The following FIGNL2 variants were observed in gnomAD, a reference collection of about 807,000 sequenced individuals.
FIGNL2 encodes the protein fidgetin-like protein 2.
For missense variants in FIGNL2, 1,060 were observed against 950.2 expected, an observed-to-expected ratio of 1.12 and a Z score of -1.52; for synonymous variants, 565 against 484.0, an observed-to-expected ratio of 1.17 and a Z score of -2.20.
At chr12:51,844,980 G>A (rs1484748266) in intron 1 of FIGNL2, 1 of 596,316 alleles carries the variant, frequency 1.7e-6, no homozygotes, top group African/African-American at 2.0e-5. Context: ...ACATCAGAGA[G>A]GGATGGACTG....
intron 1 of FIGNL2, chr12:51,837,729 C>G (rs1227225138): frequency 1.3e-5 from 2 of 152,354 alleles, no homozygotes; most frequent in Non-Finnish European, 1.5e-5. Context: ...AGGCAATATC[C>G]AGGAACACAA....
Position 51,819,072 on chromosome 12 carries a change from G to C in FIGNL2, c.*1380C>G, listed in dbSNP as rs551005054. Reference sequence around the variant, plus strand: ...CTCCAGCAGAGATGGCTGAGGTCCAGTAGCTGATTTTGTGGCCAGACTGTC... The same window carrying C: ...CTCCAGCAGAGATGGCTGAGGTCCACTAGCTGATTTTGTGGCCAGACTGTC... On this transcript the variant is annotated 3_prime_UTR_variant, in exon 2 of 2. Transcript: ENST00000618634. 1 of 152,428 alleles carries C rather than the reference G, an allele frequency of 6.6e-6. No homozygotes were observed. The highest frequency in any genetic ancestry group is 2.1e-4 in the South Asian group (1 of 4,832). The allele number at this position is 152,428 out of a possible 1,614,324, so 9.4% of individuals were successfully genotyped here. A position where few individuals can be genotyped will look rare whatever the true frequency, so the allele number is the denominator to read the frequency against.
At chr12:51,848,405 C>G in intron 1 of FIGNL2, 135 bp downstream of exon 1, 3 of 984,132 alleles carry the variant, frequency 3.0e-6, no homozygotes, top group Non-Finnish European at 3.6e-6. Flanking sequence ...CGACCCCCGC[C>G]GAGCTGAACC....
rs531385748 is a variant in FIGNL2, at chr12:51,821,007, G to T, written c.1407C>A (p.Gly469=). 1.7e-6 allele frequency: 2 copies of T among 1,180,204 alleles called. No individual in the cohort carries two copies. The highest frequency in any genetic ancestry group is 1.6e-5 in the African/African-American group (1 of 62,058). The allele number at this position is 1,180,204 out of a possible 1,614,324, so 73.1% of individuals were successfully genotyped here. A position where few individuals can be genotyped will look rare whatever the true frequency, so the allele number is the denominator to read the frequency against. The stretch of plus-strand genomic sequence containing the variant: ...CGAAGGCGGCCTGGAGGAGGCGCGC[G>T]CCCTCGGCGGCGCCGGGCGCAGCCA... ...ATLAAPGAAE[G]ARLLQAAFAA... is the part of the protein sequence containing the mutation. The change falls in exon 2 of 2, where the codon GGC becomes GGA. Residue 469 remains glycine (G), a synonymous_variant. Transcript: ENST00000618634.
At chr12:51,848,118 T>A in intron 1 of FIGNL2, 3 of 983,694 alleles carry the variant, frequency 3.0e-6, no homozygotes, top group Non-Finnish European at 3.6e-6. Context: ...GACAAAGACC[T>A]GACGGAGTGG....
intron 1 of FIGNL2, chr12:51,847,576 CCCACCCCTGCGCTCCGGG>C: frequency 1.0e-6 from 1 of 985,462 alleles, no homozygotes; most frequent in Non-Finnish European, 1.2e-6. Context: ...CACCCGTCCA[CCCACCCCTGCGCTCCGGG>C]CCGCCGCTGG....
chr12:51,830,697 TGGCC>T lies in FIGNL2; in HGVS notation c.-11-8277_-11-8274del, dbSNP rs564969299. On this transcript the variant is annotated intron_variant, in intron 1 of 1. Transcript: ENST00000618634. ...TAGTAGAGATGGGGTTTCACCATGTTGGCCAGGCTGGTCTCAAACTCCTGACCTC... is the reference window on the plus strand; with the variant it reads ...TAGTAGAGATGGGGTTTCACCATGTTAGGCTGGTCTCAAACTCCTGACCTC... Among the ~76,000 whole-genome samples, 15 of 152,156 alleles carry T rather than the reference TGGCC, an allele frequency of 9.9e-5. No individual in the cohort carries two copies. In the East Asian group the frequency reaches 2.7e-3, roughly 28 times the overall value.
At chr12:51,836,692 T>C (rs557580207) in intron 1 of FIGNL2, among the ~76,000 whole-genome samples, 95 of 152,252 alleles carry the variant, frequency 6.2e-4, no homozygotes, top group Non-Finnish European at 9.9e-4. Flanking sequence ...TCAACACACA[T>C]TGAATAAGCC....
intron 1 of FIGNL2, among the ~76,000 whole-genome samples, chr12:51,845,079 A>G (rs924015406): frequency 5.6e-4 from 85 of 152,192 alleles, no homozygotes; most frequent in Admixed American, 1.5e-3. Flanking sequence ...GTGTCAATTA[A>G]CGGAAGTGCA....
intron 1 of FIGNL2, chr12:51,844,920 G>A: frequency 7.2e-6 from 7 of 975,334 alleles, no homozygotes; most frequent in Non-Finnish European, 8.5e-6. Context: ...AGTGAGCACT[G>A]AGTGGGGAGG....
intron 1 of FIGNL2, among the ~76,000 whole-genome samples, chr12:51,835,828 CAG>C (rs1939571032): frequency 1.4e-5 from 2 of 143,958 alleles, no homozygotes; most frequent in Non-Finnish European, 3.0e-5. Flanking sequence ...TTTTTATAGA[CAG>C]AGTTTCATTC....
chr12:51,827,856 C>T (rs1307377216), intron 1 of FIGNL2, among the ~76,000 whole-genome samples: 1 of 152,218 alleles, frequency 6.6e-6, no homozygotes, highest in Non-Finnish European at 1.5e-5. Context: ...CATACCAGCT[C>T]TGAGATCAAT....
At chr12:51,841,464 G>C (rs891873118) in intron 1 of FIGNL2, 5 of 152,210 alleles carry the variant, frequency 3.3e-5, no homozygotes, top group Non-Finnish European at 7.3e-5. Context: ...CAGCAGTCTT[G>C]CTCCAGATAC....
chr12:51,836,320 C>T (rs1444479839), intron 1 of FIGNL2, among the ~76,000 whole-genome samples: 1 of 152,172 alleles, frequency 6.6e-6, no homozygotes, highest in Non-Finnish European at 1.5e-5. Context: ...TTGGGCTGCG[C>T]TGCCCTCCCC....
At chr12:51,840,070 G>A (rs1939635287) in intron 1 of FIGNL2, among the ~76,000 whole-genome samples, 1 of 152,248 alleles carries the variant, frequency 6.6e-6, no homozygotes, top group Non-Finnish European at 1.5e-5. Flanking sequence ...CCTGTCTGAA[G>A]TCAGTTCCCC....
At chr12:51,833,786 A>G (rs1181869800) in intron 1 of FIGNL2, among the ~76,000 whole-genome samples, 1 of 152,230 alleles carries the variant, frequency 6.6e-6, no homozygotes, top group African/African-American at 2.4e-5. Flanking sequence ...TTATGGAACA[A>G]CAGGTTGAAG....
At chr12:51,848,332 C>A in intron 1 of FIGNL2, 3 of 979,890 alleles carry the variant, frequency 3.1e-6, no homozygotes, top group Non-Finnish European at 3.6e-6. Context: ...CCCGCCCCCT[C>A]CCCCCGAGAA....
intron 1 of FIGNL2, among the ~76,000 whole-genome samples, chr12:51,828,917 A>G (rs1442713050): frequency 1.3e-5 from 2 of 152,264 alleles, no homozygotes; most frequent in African/African-American, 4.8e-5. Flanking sequence ...AGGTAGGAAG[A>G]AACCCCAACA....
At chr12:51,822,473 C>T (rs1939243532) in intron 1 of FIGNL2, 49 bp from the exon 2 acceptor site, 7 of 1,598,662 alleles carry the variant, frequency 4.4e-6, no homozygotes, top group Non-Finnish European at 6.0e-6. Flanking sequence ...ACCGAGGACC[C>T]AGTGGGCCAC....
Sources: allele counts gnomAD v4.1 joint callset (sites outside exome capture counted in the v4.1 genomes callset), GRCh38; gene constraint gnomAD v4.1.1; transcripts MANE v1.5; gene names NCBI Gene and HGNC (gene_info 2026-07-23, HGNC 2026-07-21).